Variants in ERBB4 observed in about 807,000 individuals in gnomAD.
ERBB4 encodes erb-b2 receptor tyrosine kinase 4.
Under a neutral mutation model 158.0 loss-of-function variants are expected in ERBB4, and 42 were observed. The observed-to-expected ratio is 0.27, with a 90% CI of 0.21 to 0.34. ERBB4 has a LOEUF of 0.34. Among genes scored for constraint, ERBB4 ranks in the 10% least tolerant of loss-of-function variants. ERBB4 has a pLI of 1.00. For missense variants in ERBB4, 1,333 were observed against 1,624.1 expected, an observed-to-expected ratio of 0.82 and a Z score of 3.08; for synonymous variants, 583 against 558.7, an observed-to-expected ratio of 1.04 and a Z score of -0.61.
intron 1 of ERBB4, among the ~76,000 whole-genome samples, chr2:212,436,767 T>G (rs1574915285): frequency 6.6e-6 from 1 of 152,120 alleles, no homozygotes; most frequent in Admixed American, 6.6e-5. Flanking sequence ...CCCATGAACA[T>G]AACTAGAATG....
intron 2 of ERBB4, among the ~76,000 whole-genome samples, chr2:212,050,561 A>G (rs1038922716): frequency 6.6e-6 from 1 of 152,146 alleles, no homozygotes; most frequent in African/African-American, 2.4e-5. Context: ...CAATTTAAAA[A>G]TAAAATAAAT....
At chr2:212,270,485 A>G (rs928391541) in intron 1 of ERBB4, among the ~76,000 whole-genome samples, 6 of 151,720 alleles carry the variant, frequency 4.0e-5, no homozygotes, top group Non-Finnish European at 5.9e-5. Flanking sequence ...TCTACGGCAG[A>G]TTCAACATTG....
intron 1 of ERBB4, among the ~76,000 whole-genome samples, chr2:212,190,893 T>C (rs2125709324): frequency 6.6e-6 from 1 of 152,274 alleles, no homozygotes; most frequent in African/African-American, 2.4e-5. Flanking sequence ...AGAATTGTAT[T>C]TTGAAAACAC....
intron 20 of ERBB4, among the ~76,000 whole-genome samples, chr2:211,431,424 A>G (rs1178135298): frequency 6.6e-6 from 1 of 152,210 alleles, no homozygotes; most frequent in East Asian, 1.9e-4. Context: ...GTAGTAAATA[A>G]GCTAACATAT....
chr2:212,206,691 A>G (rs1396228633), intron 1 of ERBB4, among the ~76,000 whole-genome samples: 2 of 149,402 alleles, frequency 1.3e-5, no homozygotes, highest in Non-Finnish European at 3.0e-5. Flanking sequence ...GGTTCACGCC[A>G]TTCTCCTGCC....
intron 1 of ERBB4, among the ~76,000 whole-genome samples, chr2:212,373,584 A>T (rs2090157780): frequency 6.6e-6 from 1 of 151,474 alleles, no homozygotes; most frequent in Non-Finnish European, 1.5e-5. Flanking sequence ...TAGCAGTTTA[A>T]ATAACTTTAA....
At chr2:212,072,219 C>T (rs1404051412) in intron 2 of ERBB4, among the ~76,000 whole-genome samples, 1 of 151,924 alleles carries the variant, frequency 6.6e-6, no homozygotes, top group Non-Finnish European at 1.5e-5. Context: ...ATAAGTCATC[C>T]TCACCTGGGA....
chr2:212,125,062 G>T (rs1013594107), intron 1 of ERBB4, 159 bp from the exon 2 acceptor site: 3 of 768,194 alleles, frequency 3.9e-6, no homozygotes, highest in Non-Finnish European at 4.3e-6. Flanking sequence ...ACGCACTGAT[G>T]AACATTTTCA....
intron 2 of ERBB4, among the ~76,000 whole-genome samples, chr2:211,977,718 T>A (rs2081654119): frequency 6.6e-6 from 1 of 150,382 alleles, no homozygotes; most frequent in African/African-American, 2.4e-5. Flanking sequence ...CAGCTAATTT[T>A]TTAAATAGCT....
chr2:212,125,736 A>G (rs1395292346), intron 1 of ERBB4, among the ~76,000 whole-genome samples: 1 of 152,214 alleles, frequency 6.6e-6, no homozygotes, highest in Admixed American at 6.5e-5. Flanking sequence ...ATGTCTCTCC[A>G]AAGGACATGA....
chr2:211,466,013 G>A (rs2064677668), intron 20 of ERBB4, among the ~76,000 whole-genome samples: 2 of 152,094 alleles, frequency 1.3e-5, no homozygotes, highest in Non-Finnish European at 2.9e-5. Context: ...TGTTATTAAG[G>A]TCTTGTTTGG....
chr2:211,803,782 C>A (rs142517768), intron 3 of ERBB4, among the ~76,000 whole-genome samples: 48 of 152,276 alleles, frequency 3.2e-4, no homozygotes, highest in African/African-American at 1.1e-3. Context: ...GATGAGCAAG[C>A]TCTTACTACA....
chr2:211,527,483 A>G lies in ERBB4; in HGVS notation c.2487+34420T>C, dbSNP rs535208495. Among the ~76,000 whole-genome samples, 41 of 152,246 alleles carry G rather than the reference A, an allele frequency of 2.7e-4. 1 individual carries two copies. In the South Asian group the frequency reaches 7.5e-3, roughly 28 times the overall value. Reference sequence around the variant, plus strand: ...TTCAACTGGGAAGAAAAGCATATTAATGAACAATAAGACATCATCTGAAGG... The same window carrying G: ...TTCAACTGGGAAGAAAAGCATATTAGTGAACAATAAGACATCATCTGAAGG... On this transcript the variant is annotated intron_variant, in intron 20 of 27. Coordinates refer to ENST00000342788, the MANE Select transcript of ERBB4 (RefSeq NM_005235.3).
intron 10 of ERBB4, 114 bp from the exon 11 acceptor site, chr2:211,704,308 A>G: frequency 2.7e-6 from 2 of 738,148 alleles, no homozygotes; most frequent in Admixed American, 3.9e-5. Flanking sequence ...AGAAAGGGGT[A>G]GTGAACATTT....
At chr2:212,073,779 T>C (rs910990140) in intron 2 of ERBB4, among the ~76,000 whole-genome samples, 1 of 151,866 alleles carries the variant, frequency 6.6e-6, no homozygotes, top group African/African-American at 2.4e-5. Context: ...TCAGAAAAGA[T>C]GGAGGCTATA....
At chr2:211,436,222 AT>A (rs2063850378) in intron 20 of ERBB4, among the ~76,000 whole-genome samples, 1 of 152,082 alleles carries the variant, frequency 6.6e-6, no homozygotes, top group Non-Finnish European at 1.5e-5. Context: ...AGTGATTGAC[AT>A]TTTTTAATTT....
chr2:211,727,576 T>C (rs1033817101), intron 5 of ERBB4, among the ~76,000 whole-genome samples: 12 of 152,152 alleles, frequency 7.9e-5, no homozygotes, highest in African/African-American at 2.6e-4. Flanking sequence ...GTTAAAGAGA[T>C]AGGTCACTAA....
At chr2:212,066,645 C>T (rs959522585) in intron 2 of ERBB4, among the ~76,000 whole-genome samples, 3 of 151,942 alleles carry the variant, frequency 2.0e-5, no homozygotes, top group Admixed American at 2.0e-4. Context: ...TTTTATGCTA[C>T]AGAAATAACC....
chr2:211,899,709 A>G (rs899880699), intron 3 of ERBB4, among the ~76,000 whole-genome samples: 1 of 152,154 alleles, frequency 6.6e-6, no homozygotes, highest in African/African-American at 2.4e-5. Flanking sequence ...TGCCCATATA[A>G]TTCCTTAATA....
Sources: allele counts gnomAD v4.1 joint callset (sites outside exome capture counted in the v4.1 genomes callset), GRCh38; gene constraint gnomAD v4.1.1; transcripts MANE v1.5; gene names NCBI Gene and HGNC (gene_info 2026-07-23, HGNC 2026-07-21).